PBX3: variants seen among roughly 807,000 people sequenced by gnomAD.
PBX3 encodes the protein PBX homeobox 3.
In PBX3, 14 loss-of-function variants were observed where a neutral mutation model predicts 48.5. That is an observed-to-expected ratio of 0.29 (90% CI 0.19 to 0.45). The LOEUF (loss-of-function observed/expected upper bound fraction) is 0.45. Among genes scored for constraint, PBX3 ranks in the 20% least tolerant of loss-of-function variants. The probability of loss-of-function intolerance (pLI) is 1.00; values close to 1 mark genes in which losing one functional copy is unlikely to be tolerated. For missense variants in PBX3, 386 were observed against 546.7 expected (o/e 0.71, Z 2.93); for synonymous variants, 210 against 200.3 (o/e 1.05, Z -0.41).
rs1158323765 is a variant in PBX3, at chr9:125,759,706, A to T, written c.274+11083A>T. On this transcript the variant is annotated intron_variant, in intron 2 of 8. Transcript: ENST00000373489. This position sits in a 1 kb window ranked among gnomAD's most constrained non-coding sequence, Gnocchi z 4.2. ...AGCAGTTTGTGGACCGCGTCTGTGA[A>T]CGCGGCTCATAATTGTTTTTCACAC... Among the ~76,000 whole-genome samples, 2 of 152,202 alleles carry T rather than the reference A, an allele frequency of 1.3e-5. No individual in the cohort carries two copies. Among genetic ancestry groups the T allele is most frequent in the Non-Finnish European group, 2.9e-5 (2 of 68,014 alleles).
intron 2 of PBX3, among the ~76,000 whole-genome samples, chr9:125,750,285 C>G (rs1653779697): frequency 1.3e-5 from 2 of 152,174 alleles, no homozygotes. Context: ...GGATACTTAT[C>G]GCTTCTCATC....
intron 2 of PBX3, among the ~76,000 whole-genome samples, chr9:125,780,639 G>T (rs1352685976): frequency 1.5e-5 from 2 of 135,518 alleles, no homozygotes; most frequent in East Asian, 2.5e-4. Flanking sequence ...GCCGGGCGGG[G>T]GGCTGACCCC....
At chr9:125,870,192 C>A (rs1461125610) in intron 2 of PBX3, among the ~76,000 whole-genome samples, 1 of 151,970 alleles carries the variant, frequency 6.6e-6, no homozygotes, top group African/African-American at 2.4e-5. Context: ...CCTCAGCCTT[C>A]CAAGTAGCTG....
rs141978679 is a variant in PBX3 at position 125,750,576 on chromosome 9, G to C, written c.274+1953G>C. Among the ~76,000 whole-genome samples, 1,391 of 152,308 alleles carry C rather than the reference G, an allele frequency of 9.1e-3. 29 individuals are homozygous for C. The highest frequency in any genetic ancestry group is 0.031 in the African/African-American group (1,304 of 41,544). On this transcript the variant is annotated intron_variant, in intron 2 of 8. Coordinates refer to ENST00000373489, the MANE Select transcript of PBX3 (RefSeq NM_006195.6). The stretch of plus-strand genomic sequence containing the variant: ...ATTACTGGCAGAGAGAGCTTTGGTA[G>C]GGCTATTGCTATTTAAAAACCAAGA...
intron 2 of PBX3, among the ~76,000 whole-genome samples, chr9:125,812,747 C>G (rs940296434): frequency 6.6e-6 from 1 of 152,232 alleles, no homozygotes; most frequent in Non-Finnish European, 1.5e-5. Context: ...CTTCTGTACA[C>G]CTAGGCTATA....
At chr9:125,893,452 T>G (rs1047572115) in intron 2 of PBX3, among the ~76,000 whole-genome samples, 8 of 152,238 alleles carry the variant, frequency 5.3e-5, no homozygotes, top group Non-Finnish European at 1.0e-4. Flanking sequence ...GGGCTGTGCA[T>G]ATCTTCAGAT....
rs537048411 is a variant in PBX3, at chr9:125,811,151, C to CA, written c.274+62530dup. Reference sequence around the variant, plus strand: ...GTTGGCTGATGAAGGAAGGCCTGTCCAATAGCTTCTCCGTTAGCCTGTAAA... The same window carrying CA: ...GTTGGCTGATGAAGGAAGGCCTGTCCAAATAGCTTCTCCGTTAGCCTGTAAA... On this transcript the variant is annotated intron_variant, in intron 2 of 8. Coordinates refer to ENST00000373489, the MANE Select transcript of PBX3 (RefSeq NM_006195.6). Among the ~76,000 whole-genome samples the CA allele has an allele frequency of 2.4e-3, 363 of 152,248 alleles. 1 individual carries two copies. Among genetic ancestry groups the CA allele is most frequent in the Non-Finnish European group, 4.4e-3 (300 of 68,014 alleles).
intron 2 of PBX3, among the ~76,000 whole-genome samples, chr9:125,830,859 G>A (rs1440031834): frequency 6.6e-6 from 1 of 151,290 alleles, no homozygotes; most frequent in Non-Finnish European, 1.5e-5. Context: ...TTTTGTTGTT[G>A]TTGTTCATTG....
At chr9:125,783,164 T>C (rs1217626472) in intron 2 of PBX3, among the ~76,000 whole-genome samples, 1 of 152,214 alleles carries the variant, frequency 6.6e-6, no homozygotes, top group Non-Finnish European at 1.5e-5. Flanking sequence ...TCCTTTCTTT[T>C]TGGGACTCCC....
chr9:125,803,548 AT>A (rs35333121), intron 2 of PBX3, among the ~76,000 whole-genome samples: 33,268 of 152,104 alleles, frequency 0.22, 4,068 homozygotes, highest in East Asian at 0.41. Flanking sequence ...GCATAAAAAA[AT>A]GGGCCATTTA....
intron 2 of PBX3, among the ~76,000 whole-genome samples, chr9:125,891,480 G>C (rs1206651205): frequency 1.3e-5 from 2 of 152,296 alleles, no homozygotes; most frequent in Admixed American, 6.5e-5. Context: ...AAAGTACTTA[G>C]GTACTTACAG....
In PBX3 at chr9:125,935,570, A is replaced by G; in HGVS notation, c.806A>G (p.Glu269Gly). The G allele has an allele frequency of 1.2e-6, 2 of 1,613,896 alleles. No individual in the cohort carries two copies. The highest frequency in any genetic ancestry group is 1.7e-6 in the Non-Finnish European group (2 of 1,179,862). ...CCCTACCCCAGTGAAGAAGCCAAAG[A>G]GGAGCTGGCCAAGAAATGCAGCATC... ...SNPYPSEEAKEELAKKCSITV... is the reference protein window; with the variant it reads ...SNPYPSEEAKGELAKKCSITV... The change falls in exon 5 of 9, where the codon GAG becomes GGG. Residue 269 changes from glutamate to glycine, a missense_variant. This residue lies in a region of PBX3 where 74 missense variants were observed against 206.1 expected (regional missense o/e 0.36). Coordinates refer to ENST00000373489, the MANE Select transcript of PBX3 (RefSeq NM_006195.6).
chr9:125,905,008 T>C (rs1261460315), intron 2 of PBX3, among the ~76,000 whole-genome samples: 2 of 151,906 alleles, frequency 1.3e-5, no homozygotes, highest in Non-Finnish European at 2.9e-5. Flanking sequence ...CAGGTCTCTT[T>C]AGGTAATTTT....
chr9:125,796,646 T>G (rs1401242462), intron 2 of PBX3, among the ~76,000 whole-genome samples: 1 of 152,158 alleles, frequency 6.6e-6, no homozygotes, highest in East Asian at 1.9e-4. Context: ...CTCTCCTTCT[T>G]TAAATCATAG....
intron 2 of PBX3, chr9:125,748,875 T>A (rs1836286633): frequency 3.0e-6 from 1 of 336,600 alleles, no homozygotes; most frequent in Non-Finnish European, 5.5e-6. Context: ...CGCCCCTGGC[T>A]GCAGGCGGGG....
At chr9:125,879,204 A>G (rs953001187) in intron 2 of PBX3, among the ~76,000 whole-genome samples, 1 of 150,476 alleles carries the variant, frequency 6.6e-6, no homozygotes, top group Non-Finnish European at 1.5e-5. Context: ...CAGCCTCCTG[A>G]GTAGCTGGGA....
intron 2 of PBX3, among the ~76,000 whole-genome samples, chr9:125,856,056 T>C (rs1267408298): frequency 2.6e-5 from 4 of 151,542 alleles, no homozygotes; most frequent in Non-Finnish European, 5.9e-5. Context: ...CATAGCCTTA[T>C]TGGAAAAAAA....
At chr9:125,848,939 TAAA>T (rs1432581286) in intron 2 of PBX3, among the ~76,000 whole-genome samples, 1 of 152,018 alleles carries the variant, frequency 6.6e-6, no homozygotes, top group African/African-American at 2.4e-5. Flanking sequence ...AATAGCTTGG[TAAA>T]GAACAGAAAC....
intron 2 of PBX3, among the ~76,000 whole-genome samples, chr9:125,871,839 C>T (rs957403697): frequency 6.6e-6 from 1 of 152,006 alleles, no homozygotes; most frequent in Non-Finnish European, 1.5e-5. Context: ...GCTCTAGAGG[C>T]AAAAATAGAA....
Sources: allele counts gnomAD v4.1 joint callset (sites outside exome capture counted in the v4.1 genomes callset), GRCh38; gene constraint gnomAD v4.1.1; regional missense constraint gnomAD v4.1.1; non-coding constraint Gnocchi (gnomAD v3.1); transcripts MANE v1.5; gene names NCBI Gene and HGNC (gene_info 2026-07-23, HGNC 2026-07-21).